The following PPFIA2 variants were observed in gnomAD, a reference collection of about 807,000 sequenced individuals.
The protein encoded by PPFIA2 is liprin-alpha-2.
A neutral mutation model predicts 175.5 loss-of-function variants in PPFIA2; 46 were observed. The ratio of observed to expected loss-of-function variants is 0.26; its 90% CI spans 0.21 to 0.34. The LOEUF is 0.34. PPFIA2 is among the 10% of genes least tolerant of loss of function. The probability of loss-of-function intolerance (pLI) is 1.00; values close to 1 mark genes in which losing one functional copy is unlikely to be tolerated. For synonymous variants in PPFIA2, 568 were observed against 511.4 expected (o/e 1.11, Z -1.49); for missense variants, 1,179 against 1,506.1 (o/e 0.78, Z 3.60).
chr12:81,344,393 A>C (rs570288949), intron 19 of PPFIA2, among the ~76,000 whole-genome samples: 1 of 150,232 alleles, frequency 6.7e-6, no homozygotes, highest in Non-Finnish European at 1.5e-5. Flanking sequence ...ACTTATATTA[A>C]AATATAAAAT....
At chr12:81,451,100 ACACATACACACGCT>A (rs1482612509) in intron 5 of PPFIA2, among the ~76,000 whole-genome samples, 2 of 152,098 alleles carry the variant, frequency 1.3e-5, no homozygotes, top group African/African-American at 4.8e-5. Context: ...TTTTGTTGAC[ACACATACACACGCT>A]CACATACAGA....
At chr12:81,546,644 CT>C (rs1189939910) in intron 4 of PPFIA2, among the ~76,000 whole-genome samples, 1 of 152,090 alleles carries the variant, frequency 6.6e-6, no homozygotes, top group South Asian at 2.1e-4. Flanking sequence ...GTAAAAGCAT[CT>C]AATGAATTCA....
intron 3 of PPFIA2, among the ~76,000 whole-genome samples, chr12:81,691,845 G>A (rs371520914): frequency 6.6e-6 from 1 of 152,010 alleles, no homozygotes; most frequent in East Asian, 1.9e-4. Flanking sequence ...AGAAGAAAAA[G>A]ATAAATTTTA....
At chr12:81,535,183 G>A (rs941400715) in intron 4 of PPFIA2, among the ~76,000 whole-genome samples, 2 of 151,736 alleles carry the variant, frequency 1.3e-5, no homozygotes, top group African/African-American at 4.8e-5. Context: ...CATGAGAGCA[G>A]CCTCAGATGG....
rs1174283784 is a variant in PPFIA2 at position 81,755,472 on chromosome 12, C to A, written c.-2-1249G>T. ...AGGTTAATTAATTTTTCTGCCTATA[C>A]ATTCCTGTCCTTGGGGAAAATATTT... On this transcript the variant is annotated intron_variant, in intron 2 of 32. Transcript: ENST00000549396. Among the ~76,000 whole-genome samples, 4 of 152,252 alleles carry A rather than the reference C, an allele frequency of 2.6e-5. No homozygotes were observed. In the East Asian group the frequency reaches 7.7e-4, roughly 29 times the overall value.
chr12:81,258,316 A>G lies in PPFIA2; in HGVS notation c.*1378T>C, dbSNP rs992356520. 1 of 152,174 alleles carries G rather than the reference A, an allele frequency of 6.6e-6. No homozygotes were observed. Among genetic ancestry groups the G allele is most frequent in the South Asian group, 2.1e-4 (1 of 4,830 alleles). 9.4% of individuals were successfully genotyped at this position (152,174 alleles called of 1,614,324 possible). ...AATGGAAAGGGTTTCTGTTATCATTACCTTTTGACTGAATCTGTTAAATAA... is the reference window on the plus strand; with the variant it reads ...AATGGAAAGGGTTTCTGTTATCATTGCCTTTTGACTGAATCTGTTAAATAA... On this transcript the variant is annotated 3_prime_UTR_variant, in exon 33 of 33. Coordinates refer to ENST00000549396, the MANE Select transcript of PPFIA2 (RefSeq NM_003625.5).
At chr12:81,549,901 C>A (rs2067615617) in intron 4 of PPFIA2, among the ~76,000 whole-genome samples, 1 of 151,770 alleles carries the variant, frequency 6.6e-6, no homozygotes, top group African/African-American at 2.4e-5. Flanking sequence ...TTTTTAATCT[C>A]TATTTCCCCT....
At chr12:81,400,009 A>G (rs371466726) in intron 8 of PPFIA2, among the ~76,000 whole-genome samples, 2 of 152,188 alleles carry the variant, frequency 1.3e-5, no homozygotes, top group African/African-American at 2.4e-5. Context: ...TGAACAAAAT[A>G]TAGTCAATAT....
intron 4 of PPFIA2, among the ~76,000 whole-genome samples, chr12:81,553,015 G>C (rs1359980048): frequency 1.3e-5 from 2 of 151,496 alleles, no homozygotes; most frequent in African/African-American, 2.4e-5. Context: ...AGAAATCAAA[G>C]ACCGATTTTT....
intron 26 of PPFIA2, 69 bp downstream of exon 26, chr12:81,282,941 G>T: frequency 2.2e-6 from 3 of 1,381,866 alleles, no homozygotes; most frequent in East Asian, 2.3e-5. Context: ...ACTTATGACA[G>T]TTTCTTGATT....
At chr12:81,328,645 T>C (rs1033123207) in intron 21 of PPFIA2, among the ~76,000 whole-genome samples, 8 of 152,290 alleles carry the variant, frequency 5.3e-5, no homozygotes, top group African/African-American at 1.7e-4. Context: ...AGTTTCTACC[T>C]GGATACAGTA....
intron 4 of PPFIA2, among the ~76,000 whole-genome samples, chr12:81,494,111 AG>A (rs1473189206): frequency 6.6e-6 from 1 of 152,080 alleles, no homozygotes; most frequent in Non-Finnish European, 1.5e-5. Flanking sequence ...ATTAAACTAA[AG>A]AGTTTCTGCA....
intron 11 of PPFIA2, among the ~76,000 whole-genome samples, chr12:81,371,367 T>A (rs2035064256): frequency 7.2e-6 from 1 of 138,316 alleles, no homozygotes; most frequent in South Asian, 2.3e-4. Flanking sequence ...TCTAAATTCA[T>A]AAAGATATCT....
At chr12:81,614,753 T>C (rs2061281408) in intron 4 of PPFIA2, among the ~76,000 whole-genome samples, 3 of 152,198 alleles carry the variant, frequency 2.0e-5, no homozygotes, top group Admixed American at 6.5e-5. Flanking sequence ...TTACCATTTA[T>C]TGAATACTGT....
At chr12:81,604,149 C>T (rs979741021) in intron 4 of PPFIA2, among the ~76,000 whole-genome samples, 3 of 151,624 alleles carry the variant, frequency 2.0e-5, no homozygotes, top group Admixed American at 6.6e-5. Context: ...ATCTGGAAAT[C>T]ACTGATTTCC....
At chr12:81,417,980 C>T (rs1403059) in intron 7 of PPFIA2, among the ~76,000 whole-genome samples, 24,296 of 151,608 alleles carry the variant, frequency 0.16, 2,702 homozygotes, top group East Asian at 0.42. Flanking sequence ...TTACCAAAAT[C>T]AATAATAAGC....
intron 5 of PPFIA2, among the ~76,000 whole-genome samples, chr12:81,446,118 T>C (rs1298100985): frequency 6.6e-6 from 1 of 152,210 alleles, no homozygotes; most frequent in African/African-American, 2.4e-5. Context: ...CATTTACATA[T>C]GGCCATTAAA....
chr12:81,406,841 C>T (rs935673144), intron 7 of PPFIA2, among the ~76,000 whole-genome samples: 10 of 152,058 alleles, frequency 6.6e-5, no homozygotes, highest in African/African-American at 2.2e-4. Context: ...TAATATTAAA[C>T]TTACATGTGG....
chr12:81,403,079 G>T (rs893472925), intron 8 of PPFIA2, among the ~76,000 whole-genome samples: 2 of 152,192 alleles, frequency 1.3e-5, no homozygotes, highest in South Asian at 4.1e-4. Flanking sequence ...AAAGCATTTA[G>T]AAATCACTGT....
Sources: gnomAD v4.1 joint callset for allele counts (sites outside exome capture counted in the v4.1 genomes callset) on GRCh38, gnomAD v4.1.1 for gene constraint, MANE v1.5 for transcripts, NCBI Gene and HGNC (gene_info 2026-07-23, HGNC 2026-07-21) for gene names.